AUTS2: variants seen among roughly 807,000 people sequenced by gnomAD.
AUTS2 encodes autism susceptibility gene 2 protein.
In AUTS2, 17 loss-of-function variants were observed where a neutral mutation model predicts 112.4. The observed-to-expected ratio is 0.15, with a 90% CI of 0.10 to 0.23. AUTS2 has a LOEUF of 0.23. Ranked by LOEUF, AUTS2 falls within the 10% of genes least tolerant of loss-of-function variation. The probability of loss-of-function intolerance (pLI) is 1.00; values close to 1 mark genes in which losing one functional copy is unlikely to be tolerated. For missense variants in AUTS2, 1,510 were observed against 1,701.6 expected, an observed-to-expected ratio of 0.89 and a Z score of 1.98; for synonymous variants, 751 against 702.7, an observed-to-expected ratio of 1.07 and a Z score of -1.09.
chr7:69,997,358 A>G (rs1045574690), intron 2 of AUTS2, among the ~76,000 whole-genome samples: 1 of 152,308 alleles, frequency 6.6e-6, no homozygotes, highest in Non-Finnish European at 1.5e-5. Flanking sequence ...TCTATGTATT[A>G]CACATTGGTT....
intron 4 of AUTS2, among the ~76,000 whole-genome samples, chr7:70,251,917 G>A (rs1460481346): frequency 6.6e-6 from 1 of 151,800 alleles, no homozygotes; most frequent in African/African-American, 2.4e-5. Context: ...CACTCCATTT[G>A]ATTTATAATT....
At chr7:70,578,484 A>G (rs1193680400) in intron 5 of AUTS2, among the ~76,000 whole-genome samples, 6 of 152,240 alleles carry the variant, frequency 3.9e-5, no homozygotes, top group African/African-American at 1.4e-4. Context: ...TCACGTCTTT[A>G]TTCTAAGTCC....
chr7:70,769,895 T>A (rs962620880), intron 10 of AUTS2, among the ~76,000 whole-genome samples: 2 of 152,160 alleles, frequency 1.3e-5, no homozygotes, highest in African/African-American at 4.8e-5. Flanking sequence ...AATAGTCAGC[T>A]ATATTTATAT....
intron 6 of AUTS2, among the ~76,000 whole-genome samples, chr7:70,717,823 G>T (rs1486941993): frequency 6.6e-6 from 1 of 152,090 alleles, no homozygotes; most frequent in African/African-American, 2.4e-5. Context: ...TTTAAAAAAT[G>T]CTACACAGAG....
chr7:70,251,210 G>A (rs1027384006), intron 4 of AUTS2, among the ~76,000 whole-genome samples: 47 of 151,548 alleles, frequency 3.1e-4, no homozygotes, highest in African/African-American at 1.1e-3. Context: ...GATTACAGGC[G>A]CCTGCCACTA....
intron 1 of AUTS2, among the ~76,000 whole-genome samples, chr7:69,797,673 A>T (rs909258199): frequency 1.3e-5 from 2 of 152,136 alleles, no homozygotes; most frequent in African/African-American, 4.8e-5. Flanking sequence ...GAGAGCCACA[A>T]TGGGCTTCCT....
At chr7:69,972,349 C>CA (rs1001867822) in intron 2 of AUTS2, among the ~76,000 whole-genome samples, 1 of 152,038 alleles carries the variant, frequency 6.6e-6, no homozygotes. Context: ...ATTTTCTAGA[C>CA]AGTAAGTCTT....
At chr7:69,866,514 C>T (rs1793240568) in intron 1 of AUTS2, among the ~76,000 whole-genome samples, 1 of 152,188 alleles carries the variant, frequency 6.6e-6, no homozygotes, top group South Asian at 2.1e-4. Flanking sequence ...TAAGGACCTC[C>T]TCTCTCTGCT....
chr7:69,775,883 G>T (rs1487680179), intron 1 of AUTS2, among the ~76,000 whole-genome samples: 1 of 152,032 alleles, frequency 6.6e-6, no homozygotes, highest in South Asian at 2.1e-4. Flanking sequence ...CAAATACCCC[G>T]GTCTCATTTC....
chr7:70,585,087 T>C (rs1057442155), intron 5 of AUTS2, among the ~76,000 whole-genome samples: 23 of 152,230 alleles, frequency 1.5e-4, no homozygotes, highest in Non-Finnish European at 2.8e-4. Context: ...AGGGGTGTGT[T>C]GGTAACCAGT....
chr7:69,600,339 T>G (rs1381439128), intron 1 of AUTS2, among the ~76,000 whole-genome samples: 4 of 151,750 alleles, frequency 2.6e-5, no homozygotes, highest in African/African-American at 4.8e-5. Flanking sequence ...TCTTGGCTGG[T>G]GGAAGTCTCT....
chr7:69,885,188 C>T (rs1794220223), intron 1 of AUTS2, among the ~76,000 whole-genome samples: 1 of 152,110 alleles, frequency 6.6e-6, no homozygotes, highest in Admixed American at 6.6e-5. Flanking sequence ...ACTTTTTGTG[C>T]CGCGAGTATT....
At chr7:70,248,757 A>C (rs559238158) in intron 4 of AUTS2, among the ~76,000 whole-genome samples, 10 of 152,174 alleles carry the variant, frequency 6.6e-5, no homozygotes, top group Non-Finnish European at 1.2e-4. Context: ...AATTTAATAA[A>C]AACATTTCAA....
At chr7:69,631,675 A>T (rs1433634274) in intron 1 of AUTS2, among the ~76,000 whole-genome samples, 2 of 152,212 alleles carry the variant, frequency 1.3e-5, no homozygotes, top group Non-Finnish European at 2.9e-5. Flanking sequence ...TAGCCCCAGC[A>T]TGTCCATTGA....
chr7:70,207,626 T>G (rs1810635302), intron 4 of AUTS2, among the ~76,000 whole-genome samples: 2 of 152,104 alleles, frequency 1.3e-5, no homozygotes, highest in Admixed American at 1.3e-4. Context: ...TACGGAAATA[T>G]GAGTGGTCCA....
intron 1 of AUTS2, among the ~76,000 whole-genome samples, chr7:69,828,611 A>C (rs1020113795): frequency 1.3e-5 from 2 of 152,206 alleles, no homozygotes; most frequent in Non-Finnish European, 2.9e-5. Context: ...ATCTTACCCC[A>C]TTCATACAGG....
Position 70,791,089 on chromosome 7 carries a change from CT to C in AUTS2, c.*94del. The C allele has an allele frequency of 7.7e-7, 1 of 1,294,810 alleles. No homozygotes were observed. The highest frequency in any genetic ancestry group is 2.8e-5 in the East Asian group (1 of 35,842). 80.2% of individuals were successfully genotyped at this position (1,294,810 alleles called of 1,614,324 possible). ...AGAACTCCTGCATGGCTCACACAGA[CT>C]GGGGGGGAAAGCCCCACCCCTTCCC... On this transcript the variant is annotated 3_prime_UTR_variant, in exon 19 of 19. Coordinates refer to ENST00000342771, the MANE Select transcript of AUTS2 (RefSeq NM_015570.4).
At chr7:69,670,239 T>G (rs1796254037) in intron 1 of AUTS2, among the ~76,000 whole-genome samples, 1 of 152,148 alleles carries the variant, frequency 6.6e-6, no homozygotes, top group African/African-American at 2.4e-5. Context: ...GAGAATGGGC[T>G]GTGTGTTAAC....
At chr7:70,461,492 C>T (rs1334361377) in intron 5 of AUTS2, among the ~76,000 whole-genome samples, 2 of 152,140 alleles carry the variant, frequency 1.3e-5, no homozygotes, top group Admixed American at 1.3e-4. Context: ...CCCAGGCTTC[C>T]CACCATTTTC....
Sources: gnomAD v4.1 joint callset for allele counts (sites outside exome capture counted in the v4.1 genomes callset) on GRCh38, gnomAD v4.1.1 for gene constraint, MANE v1.5 for transcripts, NCBI Gene and HGNC (gene_info 2026-07-23, HGNC 2026-07-21) for gene names.